Variants in RORA observed in about 807,000 individuals in gnomAD.
RORA encodes the protein RAR related orphan receptor A.
RORA carries 7 observed loss-of-function variants against 69.5 expected under a neutral mutation model. The observed-to-expected ratio is 0.10, with a 90% confidence interval of 0.06 to 0.19. RORA has a LOEUF of 0.19. RORA is among the 10% of genes least tolerant of loss of function. RORA has a pLI of 1.00. For missense variants in RORA, 457 were observed against 663.0 expected (o/e 0.69, Z 3.41); for synonymous variants, 261 against 240.8 (o/e 1.08, Z -0.78).
At chr15:60,614,363 T>C (rs151187386) in intron 2 of RORA, among the ~76,000 whole-genome samples, 208 of 152,222 alleles carry the variant, frequency 1.4e-3, no homozygotes, top group African/African-American at 4.9e-3. Context: ...CTGGAGATAG[T>C]AGACCCTAAA....
intron 1 of RORA, among the ~76,000 whole-genome samples, chr15:61,150,262 T>C (rs927997113): frequency 6.6e-6 from 1 of 152,232 alleles, no homozygotes; most frequent in Non-Finnish European, 1.5e-5. Context: ...GAAGCATTTA[T>C]TGGCCTCCTT....
At chr15:60,917,037 A>G (rs1374015004) in intron 1 of RORA, among the ~76,000 whole-genome samples, 1 of 152,200 alleles carries the variant, frequency 6.6e-6, no homozygotes, top group East Asian at 1.9e-4. Flanking sequence ...TTGAAGAAGT[A>G]TCCGGCTTCC....
chr15:61,088,998 G>A (rs1315508267), intron 1 of RORA, among the ~76,000 whole-genome samples: 1 of 152,120 alleles, frequency 6.6e-6, no homozygotes, highest in African/African-American at 2.4e-5. Context: ...CTGCCCCAGT[G>A]TCTACACCCA....
intron 1 of RORA, among the ~76,000 whole-genome samples, chr15:61,100,100 A>G (rs999346715): frequency 4.0e-5 from 6 of 150,346 alleles, no homozygotes. Context: ...CTGGGAATGA[A>G]TGGTCAATTT....
At chr15:60,674,296 G>C (rs1047863479) in intron 2 of RORA, among the ~76,000 whole-genome samples, 2 of 151,910 alleles carry the variant, frequency 1.3e-5, no homozygotes, top group Non-Finnish European at 1.5e-5. Context: ...CTCAAGGATA[G>C]GAAAAAAAAT....
chr15:60,838,877 CACACACACACATAT>C (rs2073156153), intron 1 of RORA, among the ~76,000 whole-genome samples: 1 of 75,972 alleles, frequency 1.3e-5, no homozygotes, highest in Non-Finnish European at 3.7e-5. Context: ...CACACACACA[CACACACACACATAT>C]ACTTTTTTTT....
chr15:61,196,727 A>G (rs1264790994), intron 1 of RORA, among the ~76,000 whole-genome samples: 1 of 152,246 alleles, frequency 6.6e-6, no homozygotes, highest in Non-Finnish European at 1.5e-5. Flanking sequence ...AATAATTAAG[A>G]TATTTAAAAA....
chr15:61,009,531 C>T (rs1269796489), intron 1 of RORA, among the ~76,000 whole-genome samples: 2 of 152,188 alleles, frequency 1.3e-5, no homozygotes, highest in East Asian at 1.9e-4. Context: ...TCTATTTATA[C>T]CTATAAGGTC....
intron 1 of RORA, among the ~76,000 whole-genome samples, chr15:61,157,520 A>G (rs1435047282): frequency 6.6e-6 from 1 of 152,180 alleles, no homozygotes; most frequent in East Asian, 1.9e-4. Context: ...GATACAATAT[A>G]TTTGATCCTC....
intron 2 of RORA, among the ~76,000 whole-genome samples, chr15:60,624,471 C>CATATATATATAT (rs3053858): frequency 0.076 from 5,565 of 73,100 alleles, 325 homozygotes; most frequent in Admixed American, 0.083. Context: ...CCATTTGCTG[C>CATATATATATAT]ATATATATAT....
intron 1 of RORA, among the ~76,000 whole-genome samples, chr15:61,056,621 C>T (rs2078100501): frequency 2.0e-5 from 3 of 152,104 alleles, no homozygotes; most frequent in Admixed American, 2.0e-4. Flanking sequence ...GTGTTTTTGT[C>T]ATCTAAACAT....
At chr15:60,716,740 G>A (rs2071224336) in intron 1 of RORA, among the ~76,000 whole-genome samples, 2 of 152,202 alleles carry the variant, frequency 1.3e-5, no homozygotes, top group East Asian at 3.9e-4. Context: ...CCTATACTCT[G>A]AAGAGAGATA....
intron 1 of RORA, among the ~76,000 whole-genome samples, chr15:60,751,289 G>A (rs896443015): frequency 6.6e-6 from 1 of 152,190 alleles, no homozygotes; most frequent in Non-Finnish European, 1.5e-5. Flanking sequence ...AACATCAGGA[G>A]GAATTGGCAG....
intron 1 of RORA, among the ~76,000 whole-genome samples, chr15:61,079,015 C>G (rs1374152866): frequency 1.3e-5 from 2 of 152,114 alleles, no homozygotes; most frequent in Non-Finnish European, 2.9e-5. Flanking sequence ...GTGGTAGGTA[C>G]AAGTGATTAA....
chr15:60,579,480 T>C (rs1032307793), intron 2 of RORA, among the ~76,000 whole-genome samples: 2 of 152,206 alleles, frequency 1.3e-5, no homozygotes, highest in Non-Finnish European at 2.9e-5. Flanking sequence ...AAAAATTCCA[T>C]TGTGGTAGTT....
chr15:61,144,189 A>G lies in RORA; in HGVS notation c.166+84864T>C, dbSNP rs574221808. 2.6e-5 allele frequency among the ~76,000 whole-genome samples: 4 copies of G among 152,258 alleles called. No homozygotes were observed. The South Asian group carries it at 6.2e-4, about 24-fold the overall frequency. ...TTTATTGGGGAGTATTCTCAGGATC[A>G]ACACCCACAGAGGAAGGAAAGGAGC... On this transcript the variant is annotated intron_variant, in intron 1 of 10. Transcript: ENST00000335670.
intron 2 of RORA, among the ~76,000 whole-genome samples, chr15:60,672,620 G>A (rs1238993897): frequency 1.3e-5 from 2 of 152,188 alleles, no homozygotes; most frequent in Non-Finnish European, 2.9e-5. Flanking sequence ...TTTGACTCCA[G>A]GCTTTGCCCA....
chr15:60,558,781 C>T (rs2067446432), intron 2 of RORA, among the ~76,000 whole-genome samples: 1 of 152,158 alleles, frequency 6.6e-6, no homozygotes, highest in Non-Finnish European at 1.5e-5. Context: ...ATTTTGTGTT[C>T]TGTTGCCTCT....
At chr15:60,513,637 G>A (rs2065774214) in intron 4 of RORA, among the ~76,000 whole-genome samples, 1 of 152,172 alleles carries the variant, frequency 6.6e-6, no homozygotes, top group Non-Finnish European at 1.5e-5. Flanking sequence ...AGAATATGGT[G>A]GAAGTTCTGT....
Sources: allele counts gnomAD v4.1 joint callset (sites outside exome capture counted in the v4.1 genomes callset), GRCh38; gene constraint gnomAD v4.1.1; transcripts MANE v1.5; gene names NCBI Gene and HGNC (gene_info 2026-07-23, HGNC 2026-07-21).